Variants in HEG1 observed in about 807,000 individuals in gnomAD.
HEG1 encodes protein HEG homolog 1.
Under a neutral mutation model 125.6 loss-of-function variants are expected in HEG1, and 56 were observed. That is an observed-to-expected ratio of 0.45 (90% CI 0.36 to 0.56). The LOEUF (loss-of-function observed/expected upper bound fraction) is 0.56. HEG1 is among the 20% of genes least tolerant of loss of function. The pLI, the probability that HEG1 is intolerant of heterozygous loss-of-function variation, is 0.00. For missense variants in HEG1, 1,523 were observed against 1,670.0 expected (o/e 0.91, Z 1.53); for synonymous variants, 644 against 668.5 (o/e 0.96, Z 0.57).
intron 12 of HEG1, 68 bp downstream of exon 12, chr3:124,997,621 A>G: frequency 2.1e-6 from 3 of 1,447,788 alleles, no homozygotes; most frequent in East Asian, 4.7e-5. Context: ...AGAGAGCAAG[A>G]AAGAGAAACA....
intron 16 of HEG1, among the ~76,000 whole-genome samples, chr3:124,972,714 G>A (rs939173625): frequency 6.6e-6 from 1 of 152,180 alleles, no homozygotes; most frequent in Admixed American, 6.5e-5. Context: ...TTTCAGCTCA[G>A]ATACGCCTGT....
chr3:125,013,057 G>A lies in HEG1; in HGVS notation c.2522C>T (p.Thr841Ile). ...GGTCTTCAGAATGGTAGTTGTGAAAGTTGGAGACATTTGTGCTAAGTTGGT... is the reference window on the plus strand; with the variant it reads ...GGTCTTCAGAATGGTAGTTGTGAAAATTGGAGACATTTGTGCTAAGTTGGT... ...TSTNLAQMSPTFTTTILKTSQ... is the reference protein window; with the variant it reads ...TSTNLAQMSPIFTTTILKTSQ... The change falls in exon 6 of 17, where the codon ACT (threonine) becomes ATT (isoleucine). Residue 841 changes from threonine (T) to isoleucine (I), a missense_variant. By Grantham distance (89) the Thr-to-Ile change is moderately conservative. Transcript: ENST00000311127. 1 of 1,614,048 alleles carries A rather than the reference G, an allele frequency of 6.2e-7. No homozygotes were observed. Among genetic ancestry groups the A allele is most frequent in the East Asian group, 2.2e-5 (1 of 44,890 alleles).
intron 8 of HEG1, among the ~76,000 whole-genome samples, chr3:125,007,332 T>C (rs903396960): frequency 3.5e-4 from 54 of 152,240 alleles, no homozygotes; most frequent in African/African-American, 1.3e-3. Context: ...TTCCAAACCC[T>C]GCACTCACTC....
At chr3:125,025,788 G>A (rs1937406915) in intron 3 of HEG1, among the ~76,000 whole-genome samples, 1 of 152,162 alleles carries the variant, frequency 6.6e-6, no homozygotes, top group Non-Finnish European at 1.5e-5. Context: ...TGGAAGAATT[G>A]CAGCTTTTAT....
At chr3:125,022,396 CGAGAGA>C (rs10565452) in intron 3 of HEG1, among the ~76,000 whole-genome samples, 18 of 142,728 alleles carry the variant, frequency 1.3e-4, no homozygotes, top group East Asian at 2.1e-4. Flanking sequence ...ATCACTACAG[CGAGAGA>C]GAGAGAGAGA....
At position 124,968,872 on chromosome 3, in the gene HEG1, T is replaced by C. The variant is rs1274541954; in HGVS notation, c.*1780A>G. On this transcript the variant is annotated 3_prime_UTR_variant, in exon 17 of 17. Transcript: ENST00000311127. ...GACACTTTGAAATTTTAGGTTAGCC[T>C]CCACTGATAAAAACAGTTCTCCTTT... is the stretch of plus-strand genomic sequence containing the variant. 6.6e-6 allele frequency: 1 copy of C among 152,180 alleles called. No homozygotes were observed. Among genetic ancestry groups the C allele is most frequent in the African/African-American group, 2.4e-5 (1 of 41,444 alleles). 9.4% of individuals were successfully genotyped at this position (152,180 alleles called of 1,614,324 possible). A position where few individuals can be genotyped will look rare whatever the true frequency, so the allele number is the denominator to read the frequency against.
Position 125,027,469 on chromosome 3 carries a change from A to G in HEG1, c.649T>C (p.Phe217Leu), listed in dbSNP as rs746428678. 1 of 1,612,794 alleles carries G rather than the reference A, an allele frequency of 6.2e-7. No homozygotes were observed. The highest frequency in any genetic ancestry group is 1.1e-5 in the South Asian group (1 of 90,740). ...SLHLPSSSSE[F>L]DERIAAFQTK... ...TGAAAAGCGGCAATTCTTTCATCGA[A>G]CTCTGAACTGCTGGATGGCAGGTGA... Residue 217 changes from phenylalanine to leucine, a missense_variant, in exon 3 of 17, where the codon TTC (phenylalanine) becomes CTC (leucine). Transcript: ENST00000311127.
intron 14 of HEG1, among the ~76,000 whole-genome samples, chr3:124,989,490 T>C (rs1470120389): frequency 7.4e-6 from 1 of 135,080 alleles, no homozygotes; most frequent in East Asian, 2.1e-4. Context: ...TTACATCCTA[T>C]GATATGCTAT....
chr3:125,012,778 G>T lies in HEG1; in HGVS notation c.2801C>A (p.Thr934Lys). 6.2e-7 allele frequency: 1 copy of T among 1,614,074 alleles called. No individual in the cohort carries two copies. The highest frequency in any genetic ancestry group is 1.1e-5 in the South Asian group (1 of 91,086). The change falls in exon 6 of 17, where the codon ACA becomes AAA. Residue 934 changes from threonine (T) to lysine (K), a missense_variant. Thr to Lys is a moderately conservative substitution (Grantham distance 78, BLOSUM62 -1). Transcript: ENST00000311127. ...AKEMTTKLGV[T>K]AEYSPASRSL... ...ACGTGAAGCTGGGCTGTACTCTGCT[G>T]TAACGCCAAGCTTTGTGGTCATTTC...
chr3:124,998,201 AC>A (rs1936952479), intron 11 of HEG1, among the ~76,000 whole-genome samples: 1 of 152,140 alleles, frequency 6.6e-6, no homozygotes, highest in South Asian at 2.1e-4. Flanking sequence ...GATCAGCACA[AC>A]CAGAAAATAC....
At chr3:125,046,719 A>G (rs550093260) in intron 1 of HEG1, among the ~76,000 whole-genome samples, 1 of 152,346 alleles carries the variant, frequency 6.6e-6, no homozygotes, top group Admixed American at 6.5e-5. Context: ...CAGTAGATAG[A>G]GATCCGCAAC....
intron 1 of HEG1, among the ~76,000 whole-genome samples, chr3:125,032,785 C>G (rs1268874733): frequency 6.6e-6 from 1 of 152,278 alleles, no homozygotes; most frequent in East Asian, 1.9e-4. Flanking sequence ...CTGGCCAGCT[C>G]TGAGCAAAGG....
intron 1 of HEG1, among the ~76,000 whole-genome samples, chr3:125,033,024 T>C (rs762738238): frequency 7.9e-5 from 12 of 152,076 alleles, no homozygotes; most frequent in Non-Finnish European, 1.6e-4. Flanking sequence ...GCTCTCTTCC[T>C]AGAGGGGTGA....
chr3:125,050,281 T>C (rs1937775443), intron 1 of HEG1, among the ~76,000 whole-genome samples: 1 of 151,994 alleles, frequency 6.6e-6, no homozygotes, highest in Non-Finnish European at 1.5e-5. Context: ...GTAGCTGGGA[T>C]TACAGGCACA....
intron 1 of HEG1, among the ~76,000 whole-genome samples, chr3:125,044,229 C>T (rs1033273571): frequency 1.3e-5 from 2 of 152,122 alleles, no homozygotes; most frequent in Non-Finnish European, 2.9e-5. Context: ...TCTGCTAATG[C>T]GTTTTGTAAA....
chr3:124,975,620 AAC>A (rs761432512), intron 15 of HEG1, among the ~76,000 whole-genome samples: 11 of 152,176 alleles, frequency 7.2e-5, no homozygotes, highest in Non-Finnish European at 1.3e-4. Flanking sequence ...ACAATTTTAG[AAC>A]AGTTTCATCA....
At chr3:125,029,117 T>C (rs1421637771) in intron 2 of HEG1, 78 bp downstream of exon 2, 4 of 1,454,914 alleles carry the variant, frequency 2.7e-6, no homozygotes, top group African/African-American at 1.4e-5. Context: ...CAGAATGGGG[T>C]TGTGGGGAAT....
In HEG1 at chr3:125,013,245, A is replaced by G. The variant is rs2107700731; in HGVS notation, c.2334T>C (p.Leu778=). The G allele has an allele frequency of 1.2e-6, 2 of 1,613,954 alleles. No individual in the cohort carries two copies. The highest frequency in any genetic ancestry group is 1.7e-6 in the Non-Finnish European group (2 of 1,179,882). ...CTTGGTGTGGGGTGCTCTGGCTCTT[A>G]AGGTCTGCAGTTTGACTACTATGGA... is the stretch of plus-strand genomic sequence containing the variant. ...TMLHSSQTAD[L]KSQSTPHQEK... Residue 778 remains leucine (L), a synonymous_variant, in exon 6 of 17, where the codon CTT becomes CTC. Transcript: ENST00000311127.
At chr3:125,008,580 C>G (rs58712903) in intron 8 of HEG1, among the ~76,000 whole-genome samples, 6,187 of 152,312 alleles carry the variant, frequency 0.041, 425 homozygotes, top group African/African-American at 0.14. Context: ...GCAGGCAGAT[C>G]ACTTGAGGTC....
Sources: allele counts gnomAD v4.1 joint callset (sites outside exome capture counted in the v4.1 genomes callset), GRCh38; gene constraint gnomAD v4.1.1; transcripts MANE v1.5; gene names NCBI Gene and HGNC (gene_info 2026-07-23, HGNC 2026-07-21).